The following PSD3 variants were observed in gnomAD, a reference collection of about 807,000 sequenced individuals.
PSD3 encodes PH and SEC7 domain-containing protein 3.
Under a neutral mutation model 105.5 loss-of-function variants are expected in PSD3, and 49 were observed. The observed-to-expected ratio is 0.46, with a 90% CI of 0.37 to 0.59. The LOEUF (loss-of-function observed/expected upper bound fraction) is 0.59, where lower values mean the gene tolerates loss of function less well. PSD3 is among the 20% of genes least tolerant of loss of function. The pLI, the probability that PSD3 is intolerant of heterozygous loss-of-function variation, is 0.00. For synonymous variants in PSD3, 557 were observed against 457.8 expected (o/e 1.22, Z -2.77); for missense variants, 1,561 against 1,263.8 (o/e 1.24, Z -3.57).
At chr8:18,907,343 T>C (rs947890036) in intron 2 of PSD3, among the ~76,000 whole-genome samples, 2 of 152,150 alleles carry the variant, frequency 1.3e-5, no homozygotes, top group African/African-American at 4.8e-5. Context: ...TCATTTTATT[T>C]ATTTTATTTT....
At chr8:18,723,116 A>C (rs1195395540) in intron 9 of PSD3, among the ~76,000 whole-genome samples, 1 of 152,220 alleles carries the variant, frequency 6.6e-6, no homozygotes, top group Non-Finnish European at 1.5e-5. Context: ...CGTTGAATTG[A>C]CACAGCAAAA....
intron 11 of PSD3, among the ~76,000 whole-genome samples, chr8:18,616,623 C>CTTTTTT (rs1215460486): frequency 7.1e-5 from 7 of 98,552 alleles, no homozygotes; most frequent in African/African-American, 2.2e-4. Context: ...CCTCTCTTTT[C>CTTTTTT]TTTTCTTTTT....
intron 2 of PSD3, among the ~76,000 whole-genome samples, chr8:18,922,465 C>A (rs1372885182): frequency 2.0e-5 from 3 of 152,118 alleles, no homozygotes; most frequent in Non-Finnish European, 4.4e-5. Flanking sequence ...AACGGAAGTG[C>A]TTTTCCTATT....
chr8:18,543,689 G>C (rs1003661868), intron 15 of PSD3, among the ~76,000 whole-genome samples: 4 of 151,596 alleles, frequency 2.6e-5, no homozygotes, highest in African/African-American at 9.7e-5. Context: ...CTTTTCACTA[G>C]CATCAATGTC....
chr8:18,991,342 A>G (rs1486471859), intron 1 of PSD3, among the ~76,000 whole-genome samples: 2 of 89,964 alleles, frequency 2.2e-5, no homozygotes, highest in Non-Finnish European at 5.3e-5. Flanking sequence ...CAGAAAACAC[A>G]CACACACACA....
upstream of PSD3, among the ~76,000 whole-genome samples, chr8:19,015,449 G>A (rs1322121642): frequency 6.6e-6 from 1 of 152,170 alleles, no homozygotes; most frequent in Non-Finnish European, 1.5e-5. Flanking sequence ...ACCCTACAGA[G>A]ACAGTCCCAG....
Position 18,528,505 on chromosome 8 carries a change from G to C in PSD3, c.*7238C>G, listed in dbSNP as rs976576738. 6.6e-6 allele frequency: 1 copy of C among 152,228 alleles called. No homozygotes were observed. Among genetic ancestry groups the C allele is most frequent in the African/African-American group, 2.4e-5 (1 of 41,456 alleles). 9.4% of individuals were successfully genotyped at this position (152,228 alleles called of 1,614,324 possible). A position where few individuals can be genotyped will look rare whatever the true frequency, so the allele number is the denominator to read the frequency against. On this transcript the variant is annotated 3_prime_UTR_variant, in exon 16 of 16. Transcript: ENST00000327040. ...GCAGGGTCACGCTATCAGGACACCT[G>C]GATCCCTAAAGCAGGGGAAGTGGCA...
At chr8:19,082,527 T>C (rs566128642) in intron 1 of PSD3, among the ~76,000 whole-genome samples, 2 of 152,266 alleles carry the variant, frequency 1.3e-5, no homozygotes, top group South Asian at 4.1e-4. Flanking sequence ...TAGCCAGAAA[T>C]CCTCCAACCT....
intron 12 of PSD3, among the ~76,000 whole-genome samples, chr8:18,591,413 T>G (rs1414678912): frequency 6.6e-6 from 1 of 152,202 alleles, no homozygotes; most frequent in Non-Finnish European, 1.5e-5. Context: ...GGTGGTTCGC[T>G]GCAGTCAGCA....
chr8:18,814,433 C>T (rs1392753467), intron 4 of PSD3, among the ~76,000 whole-genome samples: 1 of 152,188 alleles, frequency 6.6e-6, no homozygotes, highest in East Asian at 1.9e-4. Flanking sequence ...GTACTTTTCA[C>T]CCATGTAGGG....
intron 9 of PSD3, among the ~76,000 whole-genome samples, chr8:18,764,203 C>G (rs999784066): frequency 2.0e-5 from 3 of 152,180 alleles, no homozygotes; most frequent in African/African-American, 7.2e-5. Flanking sequence ...AAAAGCCTCA[C>G]AAATCCTCTC....
chr8:18,823,316 AATTCCT>A (rs1182486340), intron 4 of PSD3, among the ~76,000 whole-genome samples: 2 of 152,196 alleles, frequency 1.3e-5, no homozygotes, highest in Admixed American at 6.5e-5. Flanking sequence ...TTACATTTTG[AATTCCT>A]ATCATTGGAA....
At chr8:18,698,512 A>G (rs1801390711) in intron 9 of PSD3, among the ~76,000 whole-genome samples, 2 of 152,114 alleles carry the variant, frequency 1.3e-5, no homozygotes, top group Non-Finnish European at 2.9e-5. Context: ...AGGTGGAGAA[A>G]GGGGGTCATG....
intron 1 of PSD3, among the ~76,000 whole-genome samples, chr8:19,008,351 AGAG>A (rs1373370785): frequency 5.9e-5 from 9 of 152,236 alleles, no homozygotes; most frequent in African/African-American, 2.2e-4. Flanking sequence ...AGGCAGAGTC[AGAG>A]GAGACACTCT....
At chr8:18,974,404 A>G (rs1020749224) in intron 1 of PSD3, among the ~76,000 whole-genome samples, 2 of 240 alleles carry the variant, frequency 8.3e-3, no homozygotes, top group Non-Finnish European at 0.019. Flanking sequence ...AAATCCTCTG[A>G]AACTGACATT....
chr8:18,967,397 C>T (rs889892199), intron 1 of PSD3, among the ~76,000 whole-genome samples: 1 of 152,038 alleles, frequency 6.6e-6, no homozygotes, highest in Non-Finnish European at 1.5e-5. Context: ...TAAGGTGATC[C>T]ACTCCCAAAG....
At chr8:18,669,754 A>G (rs1362043809) in intron 9 of PSD3, among the ~76,000 whole-genome samples, 2 of 152,256 alleles carry the variant, frequency 1.3e-5, no homozygotes, top group Non-Finnish European at 2.9e-5. Flanking sequence ...AACCATGAGT[A>G]ACTACCTGAA....
chr8:19,004,860 G>T (rs1826577923), intron 1 of PSD3, among the ~76,000 whole-genome samples: 1 of 152,012 alleles, frequency 6.6e-6, no homozygotes, highest in Non-Finnish European at 1.5e-5. Flanking sequence ...GCCCACACAA[G>T]CTGTCTCTTT....
At chr8:18,624,842 T>C (rs969476543) in intron 11 of PSD3, among the ~76,000 whole-genome samples, 16 of 152,132 alleles carry the variant, frequency 1.1e-4, no homozygotes, top group Non-Finnish European at 2.2e-4. Context: ...TCTTTACTTT[T>C]AGTGTAATTA....
Sources: allele counts gnomAD v4.1 joint callset (sites outside exome capture counted in the v4.1 genomes callset), GRCh38; gene constraint gnomAD v4.1.1; transcripts MANE v1.5; gene names NCBI Gene and HGNC (gene_info 2026-07-23, HGNC 2026-07-21).